The following ITPR2 variants were observed in gnomAD, a reference collection of about 807,000 sequenced individuals.
ITPR2 encodes the protein inositol 1,4,5-trisphosphate-gated calcium channel ITPR2.
ITPR2 carries 207 observed loss-of-function variants against 317.1 expected under a neutral mutation model. That is an observed-to-expected ratio of 0.65 (90% CI 0.58 to 0.73). The LOEUF (loss-of-function observed/expected upper bound fraction) is 0.73. Among genes scored for constraint, ITPR2 ranks in the 30% least tolerant of loss-of-function variants. The probability of loss-of-function intolerance (pLI) is 0.00; values close to 1 mark genes in which losing one functional copy is unlikely to be tolerated. For missense variants in ITPR2, 2,613 were observed against 3,284.0 expected (o/e 0.80, Z 4.99); for synonymous variants, 1,156 against 1,149.1 (o/e 1.01, Z -0.12).
chr12:26,768,449 T>TA (rs1949770378), intron 2 of ITPR2, among the ~76,000 whole-genome samples: 7 of 44,010 alleles, frequency 1.6e-4, no homozygotes, highest in South Asian at 4.8e-4. Context: ...AAATAAAAAA[T>TA]AAAAAATAAA....
chr12:26,549,958 G>T (rs1386646206), intron 37 of ITPR2, among the ~76,000 whole-genome samples: 1 of 151,730 alleles, frequency 6.6e-6, no homozygotes, highest in Non-Finnish European at 1.5e-5. Context: ...GTTTAAAAAG[G>T]TCATTTGGTC....
intron 2 of ITPR2, among the ~76,000 whole-genome samples, chr12:26,759,405 G>T (rs1464246565): frequency 1.3e-5 from 2 of 152,110 alleles, no homozygotes; most frequent in Non-Finnish European, 2.9e-5. Context: ...CCATAGCACA[G>T]CTCTTTTTCA....
intron 37 of ITPR2, among the ~76,000 whole-genome samples, chr12:26,545,206 T>C (rs1377953112): frequency 6.6e-6 from 1 of 152,176 alleles, no homozygotes; most frequent in Non-Finnish European, 1.5e-5. Context: ...CCAGAACCTG[T>C]AAACATGTTA....
intron 54 of ITPR2, among the ~76,000 whole-genome samples, chr12:26,398,451 G>A (rs1304849648): frequency 1.3e-5 from 2 of 152,072 alleles, no homozygotes; most frequent in African/African-American, 4.8e-5. Flanking sequence ...ACAGAGAGAA[G>A]GCTCAGTTCA....
chr12:26,427,745 A>G (rs770145379), intron 49 of ITPR2, among the ~76,000 whole-genome samples, 168 bp downstream of exon 49: 1 of 152,048 alleles, frequency 6.6e-6, no homozygotes, highest in Non-Finnish European at 1.5e-5. Context: ...TTTTTCTTTC[A>G]CTCAAAATTA....
chr12:26,515,105 G>A (rs898812642), intron 37 of ITPR2, among the ~76,000 whole-genome samples: 1 of 152,136 alleles, frequency 6.6e-6, no homozygotes, highest in South Asian at 2.1e-4. Context: ...ATCTTACTCA[G>A]ATTGAACCAG....
At chr12:26,681,590 C>T (rs1265295461) in intron 13 of ITPR2, among the ~76,000 whole-genome samples, 4 of 152,262 alleles carry the variant, frequency 2.6e-5, no homozygotes, top group South Asian at 2.1e-4. Flanking sequence ...AAAGGTATTG[C>T]AAATCTCTCA....
chr12:26,633,985 A>G (rs1341763651), intron 21 of ITPR2, among the ~76,000 whole-genome samples: 4 of 152,244 alleles, frequency 2.6e-5, no homozygotes, highest in African/African-American at 9.6e-5. Flanking sequence ...TCCCCCAAAT[A>G]TAGATCCTGT....
chr12:26,723,141 A>G (rs1004354903), intron 4 of ITPR2, among the ~76,000 whole-genome samples: 3 of 152,150 alleles, frequency 2.0e-5, no homozygotes, highest in African/African-American at 7.2e-5. Flanking sequence ...TGTGAACAAA[A>G]TCTTACAAAA....
At chr12:26,695,210 A>T (rs1030827822) in intron 10 of ITPR2, among the ~76,000 whole-genome samples, 6 of 152,196 alleles carry the variant, frequency 3.9e-5, no homozygotes, top group Non-Finnish European at 8.8e-5. Flanking sequence ...CTAGCCCAAC[A>T]TCCAGAGATT....
At chr12:26,625,893 A>G (rs1358205519) in intron 23 of ITPR2, among the ~76,000 whole-genome samples, 1 of 151,954 alleles carries the variant, frequency 6.6e-6, no homozygotes, top group African/African-American at 2.4e-5. Flanking sequence ...TGAACCAATC[A>G]TGATTCCTTA....
At chr12:26,682,786 T>C (rs1209481235) in intron 11 of ITPR2, 113 bp from the exon 12 acceptor site, 3 of 640,540 alleles carry the variant, frequency 4.7e-6, no homozygotes, top group African/African-American at 1.8e-5. Context: ...TAACTAGTAA[T>C]TGACTCAAGA....
rs200156945 is a variant in ITPR2, at chr12:26,554,775, C to CT, written c.4964+1457dup. ...TTTATCAAAGATCCTATTATCTTTG[C>CT]TTTTTTTTTTCATTTAGTTCTTATG... On this transcript the variant is annotated intron_variant, in intron 36 of 56. Coordinates refer to ENST00000381340, the MANE Select transcript of ITPR2 (RefSeq NM_002223.4). Among the ~76,000 whole-genome samples, 1,159 of 147,762 alleles carry CT rather than the reference C, an allele frequency of 7.8e-3. 16 individuals are homozygous for CT. The highest frequency in any genetic ancestry group is 0.026 in the African/African-American group (1,057 of 40,320).
At chr12:26,434,359 C>T (rs1016630761) in intron 48 of ITPR2, among the ~76,000 whole-genome samples, 4 of 152,096 alleles carry the variant, frequency 2.6e-5, no homozygotes, top group African/African-American at 4.8e-5. Context: ...GAACAACATC[C>T]GCTGCTGTTA....
At chr12:26,830,721 C>G (rs932392371) in intron 1 of ITPR2, among the ~76,000 whole-genome samples, 3 of 152,190 alleles carry the variant, frequency 2.0e-5, no homozygotes, top group Non-Finnish European at 4.4e-5. Context: ...AAGTTCTTTT[C>G]TTTGTCTAGG....
intron 10 of ITPR2, 144 bp from the exon 11 acceptor site, chr12:26,686,776 C>T: frequency 2.8e-6 from 2 of 715,048 alleles, no homozygotes; most frequent in Admixed American, 2.7e-5. Flanking sequence ...GAAACACTAG[C>T]TCTAGCCCGA....
At chr12:26,594,115 A>G (rs1474774590) in intron 32 of ITPR2, among the ~76,000 whole-genome samples, 1 of 152,198 alleles carries the variant, frequency 6.6e-6, no homozygotes, top group African/African-American at 2.4e-5. Context: ...GGGGACACAT[A>G]TGAGTACTAT....
chr12:26,428,029 T>C lies in ITPR2; in HGVS notation c.6829A>G (p.Met2277Val), dbSNP rs767009803. 3.1e-6 allele frequency: 5 copies of C among 1,612,722 alleles called. No individual in the cohort carries two copies. In the South Asian group the frequency reaches 3.3e-5, roughly 11 times the overall value. ...ACAGGCTTGGAGAAGAAAAACAGCA[T>C]AGATGTGCAGATCGCAACTGCTATC... ...LWIAVAICTS[M>V]LFFFSKPVGI... The change falls in exon 49 of 57, where the codon ATG becomes GTG. Residue 2277 changes from methionine (M) to valine (V), a missense_variant. By Grantham distance (21) the Met-to-Val change is conservative (BLOSUM62 1). This residue lies in a region of ITPR2 where 926 missense variants were observed against 1,072.8 expected (regional missense o/e 0.86). Transcript: ENST00000381340.
At chr12:26,415,218 C>T (rs1940683782) in intron 51 of ITPR2, 85 bp downstream of exon 51, 5 of 852,822 alleles carry the variant, frequency 5.9e-6, no homozygotes, top group South Asian at 3.8e-5. Context: ...TTCCTCTATT[C>T]GTGTTTATCT....
Sources: allele counts gnomAD v4.1 joint callset (sites outside exome capture counted in the v4.1 genomes callset), GRCh38; gene constraint gnomAD v4.1.1; regional missense constraint gnomAD v4.1.1; transcripts MANE v1.5; gene names NCBI Gene and HGNC (gene_info 2026-07-23, HGNC 2026-07-21).